Variants in PPOX observed in about 807,000 individuals in gnomAD.
PPOX encodes protoporphyrinogen oxidase.
PPOX carries 23 observed loss-of-function variants against 54.1 expected under a neutral mutation model. That is an observed-to-expected ratio of 0.43 (90% CI 0.31 to 0.60). The LOEUF is 0.60. Ranked by LOEUF, PPOX falls within the 20% of genes least tolerant of loss-of-function variation. PPOX has a pLI of 0.13. For synonymous variants in PPOX, 224 were observed against 236.1 expected (o/e 0.95, Z 0.47); for missense variants, 512 against 601.1 (o/e 0.85, Z 1.55).
At position 161,168,476 on chromosome 1, in the gene PPOX, A is replaced by T. The variant is rs1277706951; in HGVS notation, c.516A>T (p.Ala172=). 20 of 1,613,996 alleles carry T rather than the reference A, an allele frequency of 1.2e-5. No individual in the cohort carries two copies. The highest frequency in any genetic ancestry group is 1.7e-5 in the Non-Finnish European group (20 of 1,180,026). The change falls in exon 6 of 13, where the codon GCA becomes GCT. Residue 172 remains alanine, a synonymous_variant. Transcript: ENST00000367999. The part of the protein sequence containing the change: ...AMDSLCRGVF[A]GNSRELSIRS... ...ACAGTCTCTGCCGTGGAGTGTTTGC[A>T]GGCAACAGCCGTGAGCTCAGCATCA...
chr1:161,176,297 T>TC, intron 4 of PPOX: 2 of 589,756 alleles, frequency 3.4e-6, no homozygotes, highest in South Asian at 4.2e-5. Flanking sequence ...CTCCTCTACC[T>TC]CCCCCCAAAC....
chr1:161,177,256 C>T, downstream of PPOX: 1 of 625,752 alleles, frequency 1.6e-6, no homozygotes, highest in Non-Finnish European at 2.7e-6. Flanking sequence ...CTTGCTTTTG[C>T]CCTACCTACT....
At chr1:161,174,906 G>T, downstream of PPOX, 5 of 1,381,136 alleles carry the variant, frequency 3.6e-6, no homozygotes, top group Non-Finnish European at 5.1e-6. Context: ...ATTATTCTAG[G>T]GACCCATTTA....
chr1:161,174,494 CTTT>C (rs944032711), downstream of PPOX, among the ~76,000 whole-genome samples: 2 of 151,844 alleles, frequency 1.3e-5, no homozygotes, highest in African/African-American at 4.8e-5. Context: ...GAAAGACTAT[CTTT>C]TTCATTTTTC....
intron 5 of PPOX, 53 bp downstream of exon 5, chr1:161,168,180 G>A (rs921400385): frequency 3.7e-6 from 6 of 1,613,636 alleles, no homozygotes; most frequent in East Asian, 2.2e-5. Flanking sequence ...CAGCTGCAGA[G>A]CTCCCTGTTC....
At chr1:161,172,860 C>G (rs1291307616), downstream of PPOX, among the ~76,000 whole-genome samples, 1 of 139,326 alleles carries the variant, frequency 7.2e-6, no homozygotes, top group African/African-American at 2.7e-5. Flanking sequence ...GACCTTGTCT[C>G]TAGAGAAAAA....
intron 9 of PPOX, 80 bp downstream of exon 9, chr1:161,170,104 A>G (rs1045897290): frequency 2.6e-6 from 4 of 1,512,622 alleles, no homozygotes; most frequent in Non-Finnish European, 3.6e-6. Flanking sequence ...AGGTGGGCAG[A>G]TAACAAGGTC....
chr1:161,173,568 C>G, downstream of PPOX: 1 of 1,612,592 alleles, frequency 6.2e-7, no homozygotes, highest in Non-Finnish European at 8.5e-7. Context: ...GGGATCCAGA[C>G]TGGGGTCAGG....
intron 2 of PPOX, 44 bp downstream of exon 2, chr1:161,166,978 T>C (rs771453873): frequency 9.3e-6 from 15 of 1,611,358 alleles, no homozygotes; most frequent in Non-Finnish European, 1.2e-5. Context: ...TTTAATGCTC[T>C]TCCCATTTCC....
At position 161,170,005 on chromosome 1, in the gene PPOX, G is replaced by A. The variant is rs376894422; in HGVS notation, c.968G>A (p.Gly323Glu). The change falls in exon 9 of 13, where the codon GGA becomes GAA. Residue 323 changes from glycine (G) to glutamate (E), a missense_variant. By Grantham distance (98) the Gly-to-Glu change is moderately conservative. Transcript: ENST00000367999. ...SVAVVNLQYQ[G>E]AHLPVQGFGH... is the part of the protein sequence containing the mutation. Reference sequence around the variant, plus strand: ...GCTGTGGTGAATCTGCAGTACCAAGGAGCCCATCTGCCTGTCCAGGTATGA... The same window carrying A: ...GCTGTGGTGAATCTGCAGTACCAAGAAGCCCATCTGCCTGTCCAGGTATGA... The A allele has an allele frequency of 2.0e-5, 33 of 1,613,716 alleles. No homozygotes were observed. The highest frequency in any genetic ancestry group is 2.8e-5 in the Non-Finnish European group (33 of 1,179,952).
In PPOX at chr1:161,170,696, G is replaced by C; in HGVS notation, c.1175G>C (p.Arg392Pro). 1 of 1,614,132 alleles carries C rather than the reference G, an allele frequency of 6.2e-7. No individual in the cohort carries two copies. The highest frequency in any genetic ancestry group is 8.5e-7 in the Non-Finnish European group (1 of 1,180,030). ...CVLSQELFQQ[R>P]AQEAAATQLG... is the part of the protein sequence containing the mutation. ...TTATCTCAGGAGCTGTTTCAACAGC[G>C]GGCCCAGGAAGCAGCTGCTACACAA... Residue 392 changes from arginine (R) to proline (P), a missense_variant, in exon 11 of 13, where the codon CGG becomes CCG. Arg to Pro is a moderately radical substitution (Grantham distance 103). Coordinates refer to ENST00000367999, the MANE Select transcript of PPOX (RefSeq NM_001122764.3).
At chr1:161,166,727 CACTT>C (rs1659049824) in intron 1 of PPOX, 55 bp downstream of exon 1, 1 of 1,549,508 alleles carries the variant, frequency 6.5e-7, no homozygotes, top group South Asian at 1.2e-5. Flanking sequence ...CATCCGTGCA[CACTT>C]AGTTTCCCCT....
At chr1:161,168,170 C>T in intron 5 of PPOX, 43 bp downstream of exon 5, 1 of 1,614,006 alleles carries the variant, frequency 6.2e-7, no homozygotes, top group East Asian at 2.2e-5. Flanking sequence ...CCTCCTAAAC[C>T]AGCTGCAGAG....
Position 161,167,194 on chromosome 1 carries a change from T to G in PPOX, c.182T>G (p.Ile61Ser). ...GAIFELGPRG[I>S]RPAGALGART... ...ATCTTTGAGCTTGGACCTCGGGGAA[T>G]TAGGCCAGCGGGAGCCCTAGGGGCC... The change falls in exon 3 of 13, where the codon ATT becomes AGT. Residue 61 changes from isoleucine (I) to serine (S), a missense_variant. Ile to Ser is a moderately radical substitution (Grantham distance 142). Coordinates refer to ENST00000367999, the MANE Select transcript of PPOX (RefSeq NM_001122764.3). 6.2e-7 allele frequency: 1 copy of G among 1,614,168 alleles called. No individual in the cohort carries two copies. The highest frequency in any genetic ancestry group is 8.5e-7 in the Non-Finnish European group (1 of 1,180,020).
chr1:161,171,742 G>C (rs1394212563), downstream of PPOX: 1 of 1,556,328 alleles, frequency 6.4e-7, no homozygotes, highest in Non-Finnish European at 8.8e-7. Context: ...TCTGAGAACA[G>C]TGAGGAGCTG....
upstream of PPOX, chr1:161,166,161 C>G (rs1658808441): frequency 1.0e-6 from 1 of 984,340 alleles, no homozygotes; most frequent in Non-Finnish European, 1.2e-6. Flanking sequence ...GGTTGTCACC[C>G]TAGCTGGACC....
downstream of PPOX, chr1:161,173,517 T>TA: frequency 2.5e-6 from 4 of 1,581,484 alleles, no homozygotes; most frequent in Non-Finnish European, 3.5e-6. Context: ...AGCTAAAGGT[T>TA]AGTGTTGAAG....
downstream of PPOX, chr1:161,172,129 C>T (rs146691911): frequency 1.7e-3 from 2,736 of 1,612,802 alleles, 4 homozygotes; most frequent in Non-Finnish European, 1.8e-3. Flanking sequence ...CAGAAAGGAA[C>T]AGCCAGAAAT....
At chr1:161,175,918 T>G, downstream of PPOX, 2 of 1,614,054 alleles carry the variant, frequency 1.2e-6, no homozygotes, top group Non-Finnish European at 8.5e-7. Flanking sequence ...AGGGTGAGAA[T>G]AGTCAAATGT....
Sources: gnomAD v4.1 joint callset for allele counts (sites outside exome capture counted in the v4.1 genomes callset) on GRCh38, gnomAD v4.1.1 for gene constraint, MANE v1.5 for transcripts, NCBI Gene and HGNC (gene_info 2026-07-23, HGNC 2026-07-21) for gene names.